ZFYVE9: variants seen among roughly 807,000 people sequenced by gnomAD.
ZFYVE9 encodes the protein zinc finger FYVE-type containing 9.
A neutral mutation model predicts 126.7 loss-of-function variants in ZFYVE9; 43 were observed. The observed-to-expected ratio is 0.34, with a 90% CI of 0.27 to 0.44. The LOEUF is 0.44. ZFYVE9 is among the 20% of genes least tolerant of loss of function. The pLI is 1.00. For missense variants in ZFYVE9, 1,476 were observed against 1,697.0 expected (o/e 0.87, Z 2.29); for synonymous variants, 521 against 597.4 (o/e 0.87, Z 1.87).
intron 1 of ZFYVE9, chr1:52,162,330 G>A (rs1385403966): frequency 2.8e-5 from 11 of 391,264 alleles, no homozygotes; most frequent in Non-Finnish European, 5.7e-5. Flanking sequence ...TAAGAATCTC[G>A]ACGTCTGTGA....
intron 7 of ZFYVE9, among the ~76,000 whole-genome samples, chr1:52,272,671 A>ACCTTT (rs1162973754): frequency 0.032 from 4,298 of 133,852 alleles, 101 homozygotes; most frequent in South Asian, 0.05. Flanking sequence ...GCTAGAAATA[A>ACCTTT]TCTTTTTTTT....
intron 18 of ZFYVE9, among the ~76,000 whole-genome samples, chr1:52,345,263 T>C (rs1296826026): frequency 6.6e-6 from 1 of 152,152 alleles, no homozygotes; most frequent in African/African-American, 2.4e-5. Context: ...TTGCCAGACC[T>C]CTCTGTTCCC....
chr1:52,222,361 C>G (rs1645131371), intron 2 of ZFYVE9, among the ~76,000 whole-genome samples: 1 of 152,202 alleles, frequency 6.6e-6, no homozygotes, highest in South Asian at 2.1e-4. Context: ...CAAAGGCAAA[C>G]ATGTCCCGAC....
chr1:52,148,040 A>G (rs1363696381), intron 1 of ZFYVE9, among the ~76,000 whole-genome samples: 1 of 151,970 alleles, frequency 6.6e-6, no homozygotes, highest in African/African-American at 2.4e-5. Flanking sequence ...ACAGCCTCCC[A>G]AAGTGCTGGG....
At chr1:52,167,431 A>C (rs560572300) in intron 1 of ZFYVE9, among the ~76,000 whole-genome samples, 3 of 152,186 alleles carry the variant, frequency 2.0e-5, no homozygotes, top group Non-Finnish European at 4.4e-5. Context: ...GATAAATGAA[A>C]TTGCACGTTG....
intron 1 of ZFYVE9, among the ~76,000 whole-genome samples, chr1:52,183,758 G>A (rs1001807042): frequency 2.6e-5 from 4 of 152,156 alleles, no homozygotes; most frequent in African/African-American, 9.6e-5. Context: ...CACCCGCCTC[G>A]GCCTCCCGAA....
chr1:52,237,360 C>T, intron 3 of ZFYVE9, 128 bp from the exon 4 acceptor site: 1 of 837,734 alleles, frequency 1.2e-6, no homozygotes, highest in Non-Finnish European at 1.8e-6. Flanking sequence ...ATTTTTTAGC[C>T]CCGAATTAGA....
intron 3 of ZFYVE9, 38 bp from the exon 4 acceptor site, chr1:52,237,450 T>TAA (rs769424420): frequency 2.0e-6 from 3 of 1,526,408 alleles, no homozygotes; most frequent in South Asian, 2.5e-5. Context: ...TTTCCAGTGT[T>TAA]ACAAGCAAAC....
At chr1:52,166,725 C>G (rs1644517402) in intron 1 of ZFYVE9, among the ~76,000 whole-genome samples, 1 of 152,028 alleles carries the variant, frequency 6.6e-6, no homozygotes, top group African/African-American at 2.4e-5. Context: ...CCAGCCTAGA[C>G]AACATCTTGT....
chr1:52,235,163 G>A (rs1645262433), intron 3 of ZFYVE9, among the ~76,000 whole-genome samples: 2 of 151,714 alleles, frequency 1.3e-5, no homozygotes, highest in African/African-American at 2.4e-5. Context: ...GTAACTTTGT[G>A]GTTCATTTGT....
chr1:52,234,469 A>G (rs564745045), intron 3 of ZFYVE9, among the ~76,000 whole-genome samples: 1 of 152,316 alleles, frequency 6.6e-6, no homozygotes, highest in East Asian at 1.9e-4. Context: ...TTAAAAAATA[A>G]TAAAGCCCAT....
chr1:52,181,097 T>C (rs1240504523), intron 1 of ZFYVE9, among the ~76,000 whole-genome samples: 1 of 151,672 alleles, frequency 6.6e-6, no homozygotes. Context: ...ACGGTCTCCT[T>C]CTCCCTCTCT....
chr1:52,215,836 A>G (rs2124594035), intron 1 of ZFYVE9, among the ~76,000 whole-genome samples: 1 of 152,352 alleles, frequency 6.6e-6, no homozygotes, highest in African/African-American at 2.4e-5. Context: ...ATACTGGGTT[A>G]ATAGATCCAT....
At chr1:52,258,895 CT>C (rs201084427) in intron 4 of ZFYVE9, among the ~76,000 whole-genome samples, 330 of 141,572 alleles carry the variant, frequency 2.3e-3, no homozygotes, top group East Asian at 4.3e-3. Context: ...CCCTTGCTTG[CT>C]TTTTTTTTTT....
At chr1:52,288,842 A>G (rs537710963) in intron 10 of ZFYVE9, among the ~76,000 whole-genome samples, 4 of 148,248 alleles carry the variant, frequency 2.7e-5, no homozygotes, top group Admixed American at 6.8e-5. Context: ...GGGAGAATCA[A>G]TTGAACCCGG....
intron 1 of ZFYVE9, among the ~76,000 whole-genome samples, chr1:52,199,068 G>A (rs1237594302): frequency 2.0e-5 from 3 of 151,516 alleles, no homozygotes; most frequent in Admixed American, 2.0e-4. Context: ...GACAATCACG[G>A]ATCTTTTTTT....
In ZFYVE9 at chr1:52,303,809, G is replaced by T. The variant is rs1646057198; in HGVS notation, c.3334-12G>T. 1.3e-6 allele frequency: 2 copies of T among 1,532,054 alleles called. No homozygotes were observed. The highest frequency in any genetic ancestry group is 4.0e-5 in the Admixed American group (2 of 50,334). The allele number at this position is 1,532,054 out of a possible 1,614,324, so 94.9% of individuals were successfully genotyped here. The stretch of plus-strand genomic sequence containing the variant: ...GAATTAATTTATTCTGCTTCAATCT[G>T]CTTTGGCCCAGGACTTCAGAAATTA... On this transcript the variant is annotated splice_polypyrimidine_tract_variant and intron_variant, in intron 12 of 18. Transcript: ENST00000287727.
At position 52,313,475 on chromosome 1, in the gene ZFYVE9, A is replaced by G. The variant is rs527575227; in HGVS notation, c.3438+9550A>G. ...TAGAATTTGCAGGACCGATTGCCAG[A>G]AGTGTTTTAAAAATTCAGGAGATCT... On this transcript the variant is annotated intron_variant, in intron 13 of 18. Transcript: ENST00000287727. 2.6e-5 allele frequency among the ~76,000 whole-genome samples: 4 copies of G among 152,284 alleles called. No individual in the cohort carries two copies. In the South Asian group the frequency reaches 8.3e-4, roughly 32 times the overall value.
At chr1:52,262,040 A>G (rs995465124) in intron 4 of ZFYVE9, among the ~76,000 whole-genome samples, 6 of 152,222 alleles carry the variant, frequency 3.9e-5, no homozygotes, top group African/African-American at 7.2e-5. Flanking sequence ...GGCTGCTATA[A>G]CAAAATACCA....
Sources: gnomAD v4.1 joint callset for allele counts (sites outside exome capture counted in the v4.1 genomes callset) on GRCh38, gnomAD v4.1.1 for gene constraint, MANE v1.5 for transcripts, NCBI Gene and HGNC (gene_info 2026-07-23, HGNC 2026-07-21) for gene names.